Variants in ARHGAP22 observed in about 807,000 individuals in gnomAD.
ARHGAP22 encodes the protein rho GTPase-activating protein 22.
Under a neutral mutation model 59.1 loss-of-function variants are expected in ARHGAP22, and 48 were observed. The ratio of observed to expected loss-of-function variants is 0.81; its 90% CI spans 0.64 to 1.03. The LOEUF (loss-of-function observed/expected upper bound fraction) is 1.03, where lower values mean the gene tolerates loss of function less well. Among genes scored for constraint, ARHGAP22 ranks in the 50% least tolerant of loss-of-function variants. ARHGAP22 has a pLI of 0.00. For missense variants in ARHGAP22, 1,015 were observed against 958.7 expected (o/e 1.06, Z -0.78); for synonymous variants, 445 against 416.4 (o/e 1.07, Z -0.84).
intron 3 of ARHGAP22, chr10:48,511,533 A>T (rs575095317): frequency 6.6e-6 from 1 of 152,186 alleles, no homozygotes; most frequent in South Asian, 2.1e-4. Context: ...AATCTCAAAT[A>T]CCTCTCCTTG....
intron 3 of ARHGAP22, among the ~76,000 whole-genome samples, chr10:48,530,236 C>CAAAAAAAAAAAAA (rs60902650): frequency 8.2e-5 from 4 of 49,040 alleles, no homozygotes; most frequent in African/African-American, 2.8e-4. Context: ...GACTCCATTG[C>CAAAAAAAAAAAAA]AAAAAAAAAA....
chr10:48,462,883 C>T (rs2047289051), intron 4 of ARHGAP22, among the ~76,000 whole-genome samples: 2 of 152,210 alleles, frequency 1.3e-5, no homozygotes, highest in South Asian at 4.1e-4. Flanking sequence ...AGCGTCCTGG[C>T]CTTTCCACCA....
At chr10:48,597,947 A>G (rs1369981722) in intron 1 of ARHGAP22, among the ~76,000 whole-genome samples, 1 of 152,240 alleles carries the variant, frequency 6.6e-6, no homozygotes, top group African/African-American at 2.4e-5. Flanking sequence ...GTGGAGTCCA[A>G]GGTGGCCTCC....
At chr10:48,533,230 A>G (rs1483874800) in intron 3 of ARHGAP22, among the ~76,000 whole-genome samples, 1 of 131,666 alleles carries the variant, frequency 7.6e-6, no homozygotes, top group Non-Finnish European at 1.7e-5. Context: ...GAAGGTGGGT[A>G]TTACTCTTTT....
intron 1 of ARHGAP22, among the ~76,000 whole-genome samples, chr10:48,603,726 G>A (rs552587139): frequency 6.6e-6 from 1 of 152,302 alleles, no homozygotes; most frequent in East Asian, 1.9e-4. Flanking sequence ...CAGCCCATGC[G>A]AAAGCACCCC....
chr10:48,471,609 A>C (rs1279108204), intron 4 of ARHGAP22, among the ~76,000 whole-genome samples: 1 of 152,136 alleles, frequency 6.6e-6, no homozygotes, highest in Non-Finnish European at 1.5e-5. Flanking sequence ...TTCTTACTTC[A>C]TAACAACTCC....
At chr10:48,654,925 CTCTGTT>C (rs1375532183), upstream of ARHGAP22, among the ~76,000 whole-genome samples, 1 of 142,838 alleles carries the variant, frequency 7.0e-6, no homozygotes, top group Non-Finnish European at 1.5e-5. Context: ...CTCCCTTTCT[CTCTGTT>C]TCTCTCTCTC....
chr10:48,475,044 C>T (rs1340943452), intron 4 of ARHGAP22, among the ~76,000 whole-genome samples: 1 of 152,182 alleles, frequency 6.6e-6, no homozygotes, highest in Non-Finnish European at 1.5e-5. Context: ...CCCTTTTCTG[C>T]AAACTTTTTG....
intron 1 of ARHGAP22, among the ~76,000 whole-genome samples, chr10:48,641,895 G>A (rs1014756758): frequency 1.3e-5 from 2 of 152,248 alleles, no homozygotes; most frequent in East Asian, 3.9e-4. Context: ...AAAGTCTCAG[G>A]ATACAAAATC....
chr10:48,619,815 A>G (rs1296542148), intron 1 of ARHGAP22, among the ~76,000 whole-genome samples: 1 of 152,206 alleles, frequency 6.6e-6, no homozygotes, highest in Non-Finnish European at 1.5e-5. Context: ...AAGACCTCAA[A>G]CACAAAGGCA....
At chr10:48,609,784 G>GC (rs1433278634), upstream of ARHGAP22, among the ~76,000 whole-genome samples, 3 of 152,092 alleles carry the variant, frequency 2.0e-5, no homozygotes, top group Non-Finnish European at 4.4e-5. Flanking sequence ...CTTCTACAAG[G>GC]CCTGTTGCGA....
intron 1 of ARHGAP22, among the ~76,000 whole-genome samples, chr10:48,640,763 C>T (rs2062011103): frequency 6.6e-6 from 1 of 152,070 alleles, no homozygotes; most frequent in South Asian, 2.1e-4. Context: ...TATGCAGTAA[C>T]TTGAATCTGT....
chr10:48,620,441 C>T (rs1222021734), intron 1 of ARHGAP22, among the ~76,000 whole-genome samples: 1 of 152,170 alleles, frequency 6.6e-6, no homozygotes, highest in Non-Finnish European at 1.5e-5. Context: ...CCAGGAGTCA[C>T]ACTCATATCT....
At chr10:48,576,989 G>A (rs1216528950) in intron 2 of ARHGAP22, among the ~76,000 whole-genome samples, 1 of 140,008 alleles carries the variant, frequency 7.1e-6, no homozygotes, top group African/African-American at 2.6e-5. Context: ...TTAGTATTTA[G>A]TGTTTATACT....
chr10:48,439,334 GAAAA>G, the ARHGAP22 span: 41 of 150,016 alleles, frequency 2.7e-4, no homozygotes, highest in African/African-American at 9.2e-4. Flanking sequence ...AAATAAAAAA[GAAAA>G]AAGTGGTATG....
chr10:48,437,635 T>C, the ARHGAP22 span: 1 of 152,204 alleles, frequency 6.6e-6, no homozygotes, highest in South Asian at 2.1e-4. Flanking sequence ...TTAGTTATAC[T>C]ATACGCAGAT....
chr10:48,441,451 A>ATT (rs35254382), downstream of ARHGAP22, among the ~76,000 whole-genome samples: 356 of 131,954 alleles, frequency 2.7e-3, 7 homozygotes, highest in African/African-American at 8.6e-3. Context: ...AACCAAAGGC[A>ATT]TTTTTTTTTT....
At position 48,555,449 on chromosome 10, in the gene ARHGAP22, G is replaced by A. The variant is rs774495335; in HGVS notation, c.322+14C>T. ...CCCACCAGGGCTGCAGAGCTGGAAG[G>A]TGCTCAGGCCTACCTGGGCTGATCT... On this transcript the variant is annotated intron_variant, in intron 3 of 9. Coordinates refer to ENST00000249601, the MANE Select transcript of ARHGAP22 (RefSeq NM_021226.4). The A allele has an allele frequency of 9.9e-6, 16 of 1,612,944 alleles. No individual in the cohort carries two copies. The highest frequency in any genetic ancestry group is 1.7e-4 in the Middle Eastern group (1 of 5,816).
At chr10:48,510,635 G>A (rs1005906643) in intron 3 of ARHGAP22, 1 of 152,270 alleles carries the variant, frequency 6.6e-6, no homozygotes, top group Non-Finnish European at 1.5e-5. Context: ...AAGGAAGGAA[G>A]GGATAGCACT....
Sources: allele counts gnomAD v4.1 joint callset (sites outside exome capture counted in the v4.1 genomes callset), GRCh38; gene constraint gnomAD v4.1.1; transcripts MANE v1.5; gene names NCBI Gene and HGNC (gene_info 2026-07-23, HGNC 2026-07-21).